CACNA1A: variants seen among roughly 807,000 people sequenced by gnomAD.
The protein encoded by CACNA1A is calcium voltage-gated channel subunit alpha1 A.
CACNA1A carries 57 observed loss-of-function variants against 262.4 expected under a neutral mutation model. That is an observed-to-expected ratio of 0.22 (90% CI 0.18 to 0.27). The LOEUF (loss-of-function observed/expected upper bound fraction) is 0.27, where lower values mean the gene tolerates loss of function less well. Ranked by LOEUF, CACNA1A falls within the 10% of genes least tolerant of loss-of-function variation. CACNA1A has a pLI of 1.00. For synonymous variants in CACNA1A, 1,431 were observed against 1,419.3 expected, an observed-to-expected ratio of 1.01 and a Z score of -0.18; for missense variants, 2,526 against 3,562.8, an observed-to-expected ratio of 0.71 and a Z score of 7.41.
intron 1 of CACNA1A, among the ~76,000 whole-genome samples, chr19:13,477,015 G>A (rs1000049892): frequency 8.6e-5 from 13 of 152,038 alleles, no homozygotes; most frequent in Admixed American, 2.0e-4. Flanking sequence ...AGTCCTCCCC[G>A]CAGCCCATAA....
intron 38 of CACNA1A, among the ~76,000 whole-genome samples, chr19:13,217,638 C>T (rs568232697): frequency 5.3e-5 from 8 of 152,246 alleles, no homozygotes; most frequent in African/African-American, 1.7e-4. Flanking sequence ...CTTCAGGGAA[C>T]TGAGTGGCAT....
intron 46 of CACNA1A, among the ~76,000 whole-genome samples, chr19:13,208,380 TACTC>T (rs953673287): frequency 6.6e-5 from 10 of 151,990 alleles, no homozygotes; most frequent in South Asian, 2.1e-4. Flanking sequence ...TTTCAAAAAT[TACTC>T]ACAGGCGTCC....
intron 1 of CACNA1A, among the ~76,000 whole-genome samples, chr19:13,464,651 C>G (rs2061191633): frequency 1.3e-5 from 2 of 151,288 alleles, no homozygotes; most frequent in South Asian, 2.1e-4. Flanking sequence ...CAGGTTCACG[C>G]CATTCTCCTG....
rs368257155 is a variant in CACNA1A, at chr19:13,235,015, C to A, written c.5155G>T (p.Asp1719Tyr). The A allele has an allele frequency of 6.2e-7, 1 of 1,613,392 alleles. No homozygotes were observed. Among genetic ancestry groups the A allele is most frequent in the Non-Finnish European group, 8.5e-7 (1 of 1,179,434 alleles). Residue 1719 changes from aspartate (D) to tyrosine (Y), a missense_variant, in exon 34 of 47, where the codon GAC becomes TAC. Asp to Tyr is a radical substitution (Grantham distance 160). Coordinates refer to ENST00000360228, the MANE Select transcript of CACNA1A (RefSeq NM_001127222.2). ...TCATCACTGTCCTCGTCCTCCACGT[C>A]GATGCCAATGTTACCAAACACCTGT... The part of the protein sequence containing the change: ...GMQVFGNIGI[D>Y]VEDEDSDEDE...
At chr19:13,381,911 A>C (rs1050857187) in intron 3 of CACNA1A, among the ~76,000 whole-genome samples, 34 of 152,006 alleles carry the variant, frequency 2.2e-4, no homozygotes, top group African/African-American at 7.0e-4. Context: ...TTCTCTGAGT[A>C]AGGTGTGAGC....
intron 6 of CACNA1A, among the ~76,000 whole-genome samples, chr19:13,349,431 G>T (rs2058863046): frequency 6.6e-6 from 1 of 152,192 alleles, no homozygotes; most frequent in Non-Finnish European, 1.5e-5. Flanking sequence ...CAAAGAGGGG[G>T]TCAGGGACCT....
At chr19:13,485,842 T>C (rs1209148020) in intron 1 of CACNA1A, among the ~76,000 whole-genome samples, 1 of 152,176 alleles carries the variant, frequency 6.6e-6, no homozygotes, top group African/African-American at 2.4e-5. Context: ...CAAATCTTAG[T>C]ATCCAACAAT....
chr19:13,403,403 G>A (rs1478831711), intron 3 of CACNA1A, among the ~76,000 whole-genome samples: 1 of 152,152 alleles, frequency 6.6e-6, no homozygotes, highest in Non-Finnish European at 1.5e-5. Context: ...GGTTCAGAGA[G>A]AGCACTCAGG....
intron 27 of CACNA1A, 78 bp from the exon 28 acceptor site, chr19:13,257,629 A>T (rs756710032): frequency 3.0e-4 from 259 of 860,928 alleles, no homozygotes; most frequent in Non-Finnish European, 4.2e-4. Context: ...AGGAAGGTGG[A>T]GAGAGGGTGG....
chr19:13,453,729 T>A (rs2060956659), intron 2 of CACNA1A, among the ~76,000 whole-genome samples: 2 of 152,190 alleles, frequency 1.3e-5, no homozygotes, highest in South Asian at 4.1e-4. Flanking sequence ...CTCTTCTCCA[T>A]CAGAGCCCCA....
rs10410724 is a variant in CACNA1A, at chr19:13,335,759, A to G, written c.1082+47T>C. 5.8e-3 allele frequency: 6,930 copies of G among 1,201,398 alleles called. 296 individuals are homozygous for G. In the African/African-American group the frequency reaches 0.092, roughly 16 times the overall value. The allele number at this position is 1,201,398 out of a possible 1,614,324, so 74.4% of individuals were successfully genotyped here. ...AATGGCCTCTACTTGGAAAGAAGTT[A>G]GCAAAGAGGAGTGAGTGGGATGGGG... On this transcript the variant is annotated intron_variant, in intron 7 of 46. Transcript: ENST00000360228.
chr19:13,250,187 G>A (rs1361658220), intron 30 of CACNA1A, among the ~76,000 whole-genome samples: 1 of 151,136 alleles, frequency 6.6e-6, no homozygotes, highest in East Asian at 2.0e-4. Context: ...AGCCTCACGA[G>A]TAGCTGGGAT....
intron 6 of CACNA1A, among the ~76,000 whole-genome samples, chr19:13,337,337 G>T (rs1011982434): frequency 1.3e-5 from 2 of 152,138 alleles, no homozygotes; most frequent in African/African-American, 2.4e-5. Flanking sequence ...CGGTTTGCTG[G>T]CAATCTTTGC....
intron 6 of CACNA1A, among the ~76,000 whole-genome samples, chr19:13,343,115 C>T (rs867189031): frequency 6.9e-6 from 1 of 145,550 alleles, no homozygotes; most frequent in African/African-American, 2.7e-5. Context: ...GTCTTTCTTT[C>T]TTTTTTTTCT....
At chr19:13,247,089 C>T (rs1316169368) in intron 30 of CACNA1A, among the ~76,000 whole-genome samples, 1 of 152,208 alleles carries the variant, frequency 6.6e-6, no homozygotes, top group Non-Finnish European at 1.5e-5. Flanking sequence ...AAAGAGATGG[C>T]CCTCCCCTCT....
At chr19:13,481,228 C>T (rs904747181) in intron 1 of CACNA1A, among the ~76,000 whole-genome samples, 2 of 152,172 alleles carry the variant, frequency 1.3e-5, no homozygotes, top group African/African-American at 4.8e-5. Context: ...TGGGCAGCCA[C>T]CACTGCCAGA....
chr19:13,477,368 A>G (rs1978676478), intron 1 of CACNA1A, among the ~76,000 whole-genome samples: 1 of 152,188 alleles, frequency 6.6e-6, no homozygotes, highest in African/African-American at 2.4e-5. Context: ...TCTCCCCATG[A>G]GCATGTAAGC....
At chr19:13,478,041 C>G (rs923129879) in intron 1 of CACNA1A, among the ~76,000 whole-genome samples, 1 of 152,108 alleles carries the variant, frequency 6.6e-6, no homozygotes, top group Non-Finnish European at 1.5e-5. Flanking sequence ...GACAAATCTT[C>G]GTCTCTCTGT....
chr19:13,496,270 C>T (rs1315726982), intron 1 of CACNA1A, among the ~76,000 whole-genome samples: 1 of 152,214 alleles, frequency 6.6e-6, no homozygotes. Context: ...CTGACCATTC[C>T]AATTTGTGTA....
Sources: gnomAD v4.1 joint callset for allele counts (sites outside exome capture counted in the v4.1 genomes callset) on GRCh38, gnomAD v4.1.1 for gene constraint, MANE v1.5 for transcripts, NCBI Gene and HGNC (gene_info 2026-07-23, HGNC 2026-07-21) for gene names.